CACNA1E: variants seen among roughly 807,000 people sequenced by gnomAD.
The protein encoded by CACNA1E is voltage-dependent R-type calcium channel subunit alpha-1E.
A neutral mutation model predicts 259.2 loss-of-function variants in CACNA1E; 40 were observed. The observed-to-expected ratio is 0.15, with a 90% CI of 0.12 to 0.20. The LOEUF is 0.20. Among genes scored for constraint, CACNA1E ranks in the 10% least tolerant of loss-of-function variants. CACNA1E has a pLI of 1.00. For missense variants in CACNA1E, 1,874 were observed against 3,040.1 expected, an observed-to-expected ratio of 0.62 and a Z score of 9.02; for synonymous variants, 1,104 against 1,138.5, an observed-to-expected ratio of 0.97 and a Z score of 0.61.
At chr1:181,502,354 C>A (rs1381763098) in intron 1 of CACNA1E, among the ~76,000 whole-genome samples, 1 of 152,192 alleles carries the variant, frequency 6.6e-6, no homozygotes, top group Non-Finnish European at 1.5e-5. Flanking sequence ...TCTATAGCTC[C>A]TCAGAATCTC....
At chr1:181,539,427 G>A (rs1668417260) in intron 3 of CACNA1E, among the ~76,000 whole-genome samples, 1 of 152,180 alleles carries the variant, frequency 6.6e-6, no homozygotes, top group Admixed American at 6.5e-5. Context: ...TATGAAAGGG[G>A]GAAGAATTCA....
At chr1:181,576,662 C>G (rs1444299207) in intron 3 of CACNA1E, among the ~76,000 whole-genome samples, 1 of 152,180 alleles carries the variant, frequency 6.6e-6, no homozygotes, top group Non-Finnish European at 1.5e-5. Flanking sequence ...GCCTCATTTC[C>G]TGATGGTTCT....
chr1:181,383,867 T>A (rs545566808), intron 1 of CACNA1E, among the ~76,000 whole-genome samples: 2 of 152,240 alleles, frequency 1.3e-5, no homozygotes, highest in Admixed American at 6.5e-5. Context: ...TCCTACATCA[T>A]CATCCAGGCC....
intron 6 of CACNA1E, among the ~76,000 whole-genome samples, chr1:181,585,007 C>A (rs1558153412): frequency 6.7e-6 from 1 of 148,254 alleles, no homozygotes; most frequent in Non-Finnish European, 1.5e-5. Flanking sequence ...CTGGAATAAA[C>A]TGGTCCCCCC....
intron 6 of CACNA1E, among the ~76,000 whole-genome samples, chr1:181,607,313 A>G (rs1361951019): frequency 1.3e-5 from 2 of 152,220 alleles, no homozygotes; most frequent in East Asian, 1.9e-4. Context: ...ATTATCAGCT[A>G]TGTGTATATA....
intron 36 of CACNA1E, 98 bp from the exon 37 acceptor site, chr1:181,771,968 C>T: frequency 1.8e-6 from 2 of 1,132,116 alleles, no homozygotes; most frequent in East Asian, 2.4e-5. Flanking sequence ...CTGTTGGGCC[C>T]AGACAAGAGC....
At chr1:181,496,476 A>G (rs1327212190) in intron 1 of CACNA1E, among the ~76,000 whole-genome samples, 1 of 152,176 alleles carries the variant, frequency 6.6e-6, no homozygotes, top group Admixed American at 6.5e-5. Flanking sequence ...CTGGCTAACT[A>G]CTTCCTATCT....
At chr1:181,361,448 G>A (rs190235274) in intron 1 of CACNA1E, among the ~76,000 whole-genome samples, 8 of 152,288 alleles carry the variant, frequency 5.3e-5, no homozygotes, top group Admixed American at 4.6e-4. Context: ...CACAAGGCAG[G>A]AGATTTGGCT....
chr1:181,794,680 A>G (rs973155081), intron 45 of CACNA1E, among the ~76,000 whole-genome samples, 184 bp from the exon 46 acceptor site: 1 of 152,242 alleles, frequency 6.6e-6, no homozygotes, highest in Admixed American at 6.5e-5. Context: ...AACATAATGT[A>G]AGGATGCTTT....
At chr1:181,795,655 T>C (rs1183233834) in intron 46 of CACNA1E, among the ~76,000 whole-genome samples, 5 of 151,662 alleles carry the variant, frequency 3.3e-5, no homozygotes, top group African/African-American at 1.2e-4. Flanking sequence ...TTAGCCAGGA[T>C]GGTCTCAATC....
intron 25 of CACNA1E, among the ~76,000 whole-genome samples, chr1:181,739,952 G>A (rs1254928275): frequency 6.6e-6 from 1 of 152,302 alleles, no homozygotes; most frequent in East Asian, 1.9e-4. Flanking sequence ...ATTTCCTGTG[G>A]AATCTAGCCA....
chr1:181,791,203 G>A (rs1317515298), intron 44 of CACNA1E, among the ~76,000 whole-genome samples: 1 of 152,222 alleles, frequency 6.6e-6, no homozygotes, highest in African/African-American at 2.4e-5. Context: ...TGGGTGCGGT[G>A]GCTCACGCCT....
At chr1:181,453,976 G>A (rs1241164787) in intron 2 of CACNA1E, among the ~76,000 whole-genome samples, 2 of 152,198 alleles carry the variant, frequency 1.3e-5, no homozygotes, top group Non-Finnish European at 2.9e-5. Flanking sequence ...TCACTTTACT[G>A]TGTTGGTTGC....
chr1:181,422,547 GTCC>G (rs1658832149), intron 2 of CACNA1E, among the ~76,000 whole-genome samples: 1 of 152,126 alleles, frequency 6.6e-6, no homozygotes. Context: ...TATGAGAACT[GTCC>G]TCCTTCAAGC....
intron 7 of CACNA1E, among the ~76,000 whole-genome samples, chr1:181,686,871 T>C (rs1231722525): frequency 2.0e-5 from 3 of 151,868 alleles, no homozygotes; most frequent in African/African-American, 7.3e-5. Context: ...GCAAAGAGAG[T>C]TCTAAAAAGA....
chr1:181,572,376 A>G (rs1650505131), intron 3 of CACNA1E, among the ~76,000 whole-genome samples: 1 of 152,192 alleles, frequency 6.6e-6, no homozygotes, highest in Admixed American at 6.5e-5. Context: ...ATCAATCTCC[A>G]TTCTCTTCCT....
chr1:181,530,064 T>C (rs1361374248), intron 3 of CACNA1E, among the ~76,000 whole-genome samples: 2 of 152,134 alleles, frequency 1.3e-5, no homozygotes, highest in Non-Finnish European at 2.9e-5. Flanking sequence ...AATTCCCACA[T>C]GTTGTGGGAG....
chr1:181,560,415 A>G (rs1232161546), intron 3 of CACNA1E, among the ~76,000 whole-genome samples: 12 of 152,090 alleles, frequency 7.9e-5, no homozygotes, highest in Non-Finnish European at 1.6e-4. Flanking sequence ...AATGTATTTT[A>G]CACTGTTGAA....
intron 43 of CACNA1E, among the ~76,000 whole-genome samples, chr1:181,789,046 G>A (rs1661078783): frequency 6.6e-6 from 1 of 151,930 alleles, no homozygotes; most frequent in East Asian, 1.9e-4. Context: ...TTTTTTTGTA[G>A]AGACAGGTCT....
Sources: gnomAD v4.1 joint callset for allele counts (sites outside exome capture counted in the v4.1 genomes callset) on GRCh38, gnomAD v4.1.1 for gene constraint, MANE v1.5 for transcripts, NCBI Gene and HGNC (gene_info 2026-07-23, HGNC 2026-07-21) for gene names.